ZNF407: variants seen among roughly 807,000 people sequenced by gnomAD.
The protein encoded by ZNF407 is zinc finger protein 407.
ZNF407 carries 17 observed loss-of-function variants against 131.2 expected under a neutral mutation model. The observed-to-expected ratio is 0.13, with a 90% CI of 0.09 to 0.19. ZNF407 has a LOEUF of 0.19. Among genes scored for constraint, ZNF407 ranks in the 10% least tolerant of loss-of-function variants. The pLI is 1.00. For synonymous variants in ZNF407, 1,156 were observed against 1,062.0 expected, an observed-to-expected ratio of 1.09 and a Z score of -1.72; for missense variants, 2,681 against 2,830.6, an observed-to-expected ratio of 0.95 and a Z score of 1.20.
intron 8 of ZNF407, among the ~76,000 whole-genome samples, chr18:74,936,306 A>G (rs1972039123): frequency 6.6e-6 from 1 of 152,184 alleles, no homozygotes; most frequent in Admixed American, 6.5e-5. Context: ...ATTAATATGC[A>G]TAGTCATTTT....
intron 4 of ZNF407, among the ~76,000 whole-genome samples, chr18:74,837,600 C>T (rs574122182): frequency 1.6e-3 from 241 of 152,008 alleles, no homozygotes; most frequent in Middle Eastern, 0.014. Flanking sequence ...TAATGCCTAT[C>T]TTTGCTGAAG....
chr18:74,625,496 A>G (rs991403958), intron 1 of ZNF407, among the ~76,000 whole-genome samples: 4 of 152,200 alleles, frequency 2.6e-5, no homozygotes, highest in Admixed American at 1.3e-4. Context: ...TTGCAGATGA[A>G]GACGTGGTAG....
chr18:74,806,399 C>T (rs75519113), intron 4 of ZNF407, among the ~76,000 whole-genome samples: 1 of 152,184 alleles, frequency 6.6e-6, no homozygotes, highest in Admixed American at 6.5e-5. Context: ...CTGCTTTAGC[C>T]TATGCCAATG....
intron 3 of ZNF407, among the ~76,000 whole-genome samples, chr18:74,647,363 G>A (rs1322380262): frequency 2.0e-5 from 3 of 152,068 alleles, no homozygotes; most frequent in Admixed American, 1.3e-4. Flanking sequence ...AAGCTCTTCC[G>A]AGCCCAGGAG....
chr18:74,755,763 TTCTTTCTTTCTCTC>T (rs1234279178), intron 3 of ZNF407, among the ~76,000 whole-genome samples: 1 of 127,172 alleles, frequency 7.9e-6, no homozygotes, highest in African/African-American at 3.6e-5. Flanking sequence ...CTTTCTTTCT[TTCTTTCTTTCTCTC>T]TCTCTCTTTC....
chr18:75,044,129 T>C (rs1296894342), intron 8 of ZNF407, among the ~76,000 whole-genome samples: 1 of 152,188 alleles, frequency 6.6e-6, no homozygotes, highest in Non-Finnish European at 1.5e-5. Flanking sequence ...GCAGTTGACC[T>C]CTTCCGACAT....
At chr18:74,753,449 A>T (rs904842417) in intron 3 of ZNF407, among the ~76,000 whole-genome samples, 16 of 152,202 alleles carry the variant, frequency 1.1e-4, no homozygotes, top group African/African-American at 3.4e-4. Flanking sequence ...TTCAAAGGGC[A>T]TGCTTCCAGT....
chr18:75,052,409 G>A (rs917456743), intron 8 of ZNF407, among the ~76,000 whole-genome samples: 26 of 152,130 alleles, frequency 1.7e-4, no homozygotes, highest in Non-Finnish European at 2.8e-4. Flanking sequence ...CAAAGAGTGG[G>A]ACAGAATGCC....
intron 3 of ZNF407, among the ~76,000 whole-genome samples, chr18:74,654,500 T>G (rs895498088): frequency 5.9e-5 from 9 of 151,874 alleles, no homozygotes; most frequent in African/African-American, 2.2e-4. Context: ...GGAACTCACT[T>G]GCCAGCTAAT....
At chr18:74,729,853 T>C (rs1234808343) in intron 3 of ZNF407, among the ~76,000 whole-genome samples, 2 of 152,142 alleles carry the variant, frequency 1.3e-5, no homozygotes, top group Admixed American at 6.5e-5. Flanking sequence ...AAGACTATTA[T>C]CTTGTGACAG....
At chr18:74,620,118 T>G (rs1175178321) in intron 1 of ZNF407, among the ~76,000 whole-genome samples, 3 of 152,166 alleles carry the variant, frequency 2.0e-5, no homozygotes, top group Non-Finnish European at 4.4e-5. Flanking sequence ...ACATTTTAGT[T>G]TTTTTATGTA....
intron 7 of ZNF407, among the ~76,000 whole-genome samples, chr18:74,902,949 G>A (rs191646429): frequency 1.1e-4 from 16 of 152,218 alleles, no homozygotes; most frequent in Admixed American, 6.5e-4. Flanking sequence ...ACCCACCAGT[G>A]CCTGCAGTAT....
chr18:74,832,196 G>A (rs185532009), intron 4 of ZNF407, among the ~76,000 whole-genome samples: 16 of 152,242 alleles, frequency 1.1e-4, no homozygotes, highest in Middle Eastern at 3.4e-3. Context: ...AAGAGGTTAC[G>A]TGCCTTTCAG....
chr18:74,996,664 C>T (rs961208090), intron 8 of ZNF407, among the ~76,000 whole-genome samples: 8 of 152,126 alleles, frequency 5.3e-5, no homozygotes, highest in African/African-American at 1.9e-4. Context: ...TCCGAATGGA[C>T]ATTAGACATT....
At chr18:74,865,396 C>G (rs1955243695) in intron 4 of ZNF407, among the ~76,000 whole-genome samples, 2 of 151,972 alleles carry the variant, frequency 1.3e-5, no homozygotes, top group African/African-American at 4.8e-5. Flanking sequence ...TGAAAAAGTC[C>G]CTTTAATTGT....
intron 4 of ZNF407, among the ~76,000 whole-genome samples, chr18:74,794,774 C>G (rs1969888869): frequency 6.6e-6 from 1 of 152,082 alleles, no homozygotes; most frequent in African/African-American, 2.4e-5. Context: ...TTTGGTAAAG[C>G]TATGCTTTCT....
At chr18:74,952,589 G>A (rs1315673659) in intron 8 of ZNF407, among the ~76,000 whole-genome samples, 1 of 152,240 alleles carries the variant, frequency 6.6e-6, no homozygotes, top group Non-Finnish European at 1.5e-5. Flanking sequence ...GACAACCAGA[G>A]AGAATGGGAG....
At chr18:74,890,752 A>G (rs1971372870) in intron 7 of ZNF407, among the ~76,000 whole-genome samples, 2 of 152,162 alleles carry the variant, frequency 1.3e-5, no homozygotes, top group African/African-American at 4.8e-5. Flanking sequence ...TTTGAATGGG[A>G]AAAGAGAGAG....
At chr18:74,744,865 A>G (rs769177271) in intron 3 of ZNF407, among the ~76,000 whole-genome samples, 1 of 152,074 alleles carries the variant, frequency 6.6e-6, no homozygotes, top group Non-Finnish European at 1.5e-5. Flanking sequence ...ACTTGATTTT[A>G]TAGCTTTACC....
Sources: allele counts gnomAD v4.1 joint callset (sites outside exome capture counted in the v4.1 genomes callset), GRCh38; gene constraint gnomAD v4.1.1; transcripts MANE v1.5; gene names NCBI Gene and HGNC (gene_info 2026-07-23, HGNC 2026-07-21).